ARMC2: variants seen among roughly 807,000 people sequenced by gnomAD.
ARMC2 encodes armadillo repeat-containing protein 2.
A neutral mutation model predicts 90.3 loss-of-function variants in ARMC2; 67 were observed. The ratio of observed to expected loss-of-function variants is 0.74; its 90% CI spans 0.61 to 0.91. The LOEUF is 0.91. ARMC2 is among the 40% of genes least tolerant of loss of function. ARMC2 has a pLI of 0.00. For synonymous variants in ARMC2, 393 were observed against 393.0 expected (o/e 1.00, Z 0.00); for missense variants, 920 against 1,030.9 (o/e 0.89, Z 1.47).
chr6:108,870,730 A>G (rs1562335017), intron 4 of ARMC2, among the ~76,000 whole-genome samples: 2 of 152,160 alleles, frequency 1.3e-5, no homozygotes, highest in Admixed American at 6.5e-5. Context: ...TCATCAGGCA[A>G]CTTGCTTTAC....
the ARMC2 span, among the ~76,000 whole-genome samples, chr6:109,002,995 A>G: frequency 1.1e-4 from 16 of 152,126 alleles, no homozygotes; most frequent in Non-Finnish European, 2.2e-4. Flanking sequence ...AGAAGCTCAA[A>G]TAATTGAGAA....
the ARMC2 span, among the ~76,000 whole-genome samples, chr6:109,022,100 T>G: frequency 1.8e-4 from 28 of 152,256 alleles, 2 homozygotes; most frequent in East Asian, 2.5e-3. Flanking sequence ...CATCCATATC[T>G]TCTTCCTTTC....
In ARMC2 at chr6:108,973,500, A is replaced by G; in HGVS notation, c.2590A>G (p.Ile864Val). Residue 864 changes from isoleucine (I) to valine (V), a missense_variant, in exon 18 of 18, where the codon ATT (isoleucine) becomes GTT (valine). Transcript: ENST00000392644. Reference protein sequence around the residue: ...RHHTFLEPLPIPSF With the variant: ...RHHTFLEPLPVPSF ...TCACACCTTCCTGGAACCCCTGCCCATTCCCTCTTTCTAACATGATGCAGA... is the reference window on the plus strand; with the variant it reads ...TCACACCTTCCTGGAACCCCTGCCCGTTCCCTCTTTCTAACATGATGCAGA... 3 of 1,612,090 alleles carry G rather than the reference A, an allele frequency of 1.9e-6. No individual in the cohort carries two copies. The highest frequency in any genetic ancestry group is 2.5e-6 in the Non-Finnish European group (3 of 1,178,796).
At chr6:108,995,494 G>A in the ARMC2 span, among the ~76,000 whole-genome samples, 1 of 152,216 alleles carries the variant, frequency 6.6e-6, no homozygotes, top group African/African-American at 2.4e-5. Context: ...GAGTAATGGG[G>A]CTGACAAAGG....
chr6:108,967,358 A>G (rs1215104123), intron 17 of ARMC2, among the ~76,000 whole-genome samples: 16 of 152,234 alleles, frequency 1.1e-4, no homozygotes, highest in Non-Finnish European at 2.4e-4. Context: ...GCAATCAGCC[A>G]TAAATAACAA....
At chr6:108,852,136 G>C (rs1249454780) in intron 1 of ARMC2, among the ~76,000 whole-genome samples, 1 of 152,130 alleles carries the variant, frequency 6.6e-6, no homozygotes, top group Non-Finnish European at 1.5e-5. Context: ...GGTCCTGAGT[G>C]ATTAATTTTT....
At chr6:108,951,810 G>A (rs1387018835) in intron 12 of ARMC2, among the ~76,000 whole-genome samples, 1 of 152,218 alleles carries the variant, frequency 6.6e-6, no homozygotes, top group East Asian at 1.9e-4. Flanking sequence ...GCTAACTACT[G>A]ATCTGATCAA....
intron 12 of ARMC2, among the ~76,000 whole-genome samples, chr6:108,942,184 CT>C (rs1324541815): frequency 6.6e-6 from 1 of 152,190 alleles, no homozygotes; most frequent in African/African-American, 2.4e-5. Flanking sequence ...CTCATAAGTG[CT>C]GGAAGAAAGA....
chr6:108,891,818 G>C (rs1372908090), intron 5 of ARMC2, among the ~76,000 whole-genome samples: 1 of 152,170 alleles, frequency 6.6e-6, no homozygotes, highest in African/African-American at 2.4e-5. Flanking sequence ...TGAAGTCTTT[G>C]CCCATGCCTA....
intron 11 of ARMC2, among the ~76,000 whole-genome samples, chr6:108,929,157 T>C (rs1326250302): frequency 6.6e-6 from 1 of 152,160 alleles, no homozygotes; most frequent in Non-Finnish European, 1.5e-5. Flanking sequence ...ATCTGATCTT[T>C]TTATACTGCA....
chr6:109,002,252 A>G, the ARMC2 span: 2 of 1,600,368 alleles, frequency 1.2e-6, no homozygotes, highest in Non-Finnish European at 1.7e-6. Flanking sequence ...CATACAGTTC[A>G]CTATGTACTT....
the ARMC2 span, among the ~76,000 whole-genome samples, chr6:109,038,673 T>G: frequency 6.6e-6 from 1 of 152,226 alleles, no homozygotes; most frequent in Non-Finnish European, 1.5e-5. Context: ...GGGACAGAAT[T>G]GCCTATGCAA....
intron 12 of ARMC2, among the ~76,000 whole-genome samples, chr6:108,952,131 C>G (rs1777235511): frequency 6.6e-6 from 1 of 152,174 alleles, no homozygotes; most frequent in Non-Finnish European, 1.5e-5. Context: ...TTGTAGCCCT[C>G]CAATGAGTAT....
At chr6:108,924,691 A>G (rs568841353) in intron 10 of ARMC2, among the ~76,000 whole-genome samples, 188 of 152,262 alleles carry the variant, frequency 1.2e-3, no homozygotes, top group Non-Finnish European at 9.7e-4. Context: ...GATAAACCAC[A>G]CTTCAGAGAC....
chr6:109,019,200 CACAA>C, the ARMC2 span, among the ~76,000 whole-genome samples: 12 of 152,148 alleles, frequency 7.9e-5, no homozygotes, highest in Non-Finnish European at 1.3e-4. Context: ...TACACACACA[CACAA>C]ACACACACAC....
chr6:108,866,016 TAAAAAAAAAA>T (rs910550188), intron 3 of ARMC2, among the ~76,000 whole-genome samples: 1 of 118,640 alleles, frequency 8.4e-6, no homozygotes, highest in African/African-American at 3.1e-5. Context: ...GACCCTGTCT[TAAAAAAAAAA>T]AAAAAAAAAA....
the ARMC2 span, among the ~76,000 whole-genome samples, chr6:108,998,138 G>C: frequency 6.6e-6 from 1 of 152,174 alleles, no homozygotes; most frequent in Non-Finnish European, 1.5e-5. Context: ...AGAAGAATGT[G>C]ATTGGCACAA....
chr6:108,855,397 C>T (rs1459133831), intron 2 of ARMC2, among the ~76,000 whole-genome samples: 2 of 151,984 alleles, frequency 1.3e-5, no homozygotes, highest in African/African-American at 4.8e-5. Context: ...TACAGGCGCC[C>T]GCCACCAAAC....
chr6:109,030,820 A>G, the ARMC2 span, among the ~76,000 whole-genome samples: 56 of 152,206 alleles, frequency 3.7e-4, no homozygotes, highest in Non-Finnish European at 7.1e-4. Context: ...GATGTATCTC[A>G]TTATTCCTAT....
Sources: gnomAD v4.1 joint callset for allele counts (sites outside exome capture counted in the v4.1 genomes callset) on GRCh38, gnomAD v4.1.1 for gene constraint, MANE v1.5 for transcripts, NCBI Gene and HGNC (gene_info 2026-07-23, HGNC 2026-07-21) for gene names.